ENOX1: variants seen among roughly 807,000 people sequenced by gnomAD.
ENOX1 encodes the protein ecto-NOX disulfide-thiol exchanger 1.
A neutral mutation model predicts 82.5 loss-of-function variants in ENOX1; 42 were observed. The ratio of observed to expected loss-of-function variants is 0.51; its 90% CI spans 0.40 to 0.66. The LOEUF is 0.66. ENOX1 is among the 30% of genes least tolerant of loss of function. The pLI, the probability that ENOX1 is intolerant of heterozygous loss-of-function variation, is 0.00. For missense variants in ENOX1, 608 were observed against 811.6 expected (o/e 0.75, Z 3.05); for synonymous variants, 271 against 282.2 (o/e 0.96, Z 0.40).
intron 1 of ENOX1, among the ~76,000 whole-genome samples, chr13:43,752,013 C>A: frequency 6.6e-6 from 1 of 152,162 alleles, no homozygotes; most frequent in East Asian, 1.9e-4. Context: ...TGTGAAAATT[C>A]CATTTCCTCC....
rs141979378 is a variant in ENOX1 at position 43,503,101 on chromosome 13, C to T, written c.-218-18949G>A. ...TAGCTATCTGAAAAGGAAATTAAAA[C>T]AATCCCATGTACAACTGCATCAAAA... On this transcript the variant is annotated intron_variant, in intron 2 of 16. Transcript: ENST00000690772. 5.3e-5 allele frequency among the ~76,000 whole-genome samples: 8 copies of T among 151,624 alleles called. No individual in the cohort carries two copies. In the East Asian group the frequency reaches 1.5e-3, roughly 29 times the overall value.
At chr13:43,325,581 A>G (rs1159528814) in intron 10 of ENOX1, among the ~76,000 whole-genome samples, 1 of 152,246 alleles carries the variant, frequency 6.6e-6, no homozygotes, top group Non-Finnish European at 1.5e-5. Flanking sequence ...CATTAAATAA[A>G]TAAACCTTAC....
chr13:43,710,732 C>T (rs941032580), intron 1 of ENOX1, among the ~76,000 whole-genome samples: 8 of 151,842 alleles, frequency 5.3e-5, no homozygotes, highest in Admixed American at 5.2e-4. Flanking sequence ...AGAATCAATA[C>T]AAAAGTAGAA....
intron 11 of ENOX1, among the ~76,000 whole-genome samples, chr13:43,310,372 A>T (rs534404912): frequency 6.6e-6 from 1 of 152,232 alleles, no homozygotes; most frequent in African/African-American, 2.4e-5. Flanking sequence ...GAGGTCAGCG[A>T]TGGAACAGAC....
intron 2 of ENOX1, among the ~76,000 whole-genome samples, chr13:43,617,631 G>T (rs895475943): frequency 4.6e-5 from 7 of 152,148 alleles, no homozygotes; most frequent in Admixed American, 3.3e-4. Flanking sequence ...TGACTGACAG[G>T]TATTTGGGCT....
chr13:43,467,279 T>A (rs750555), intron 3 of ENOX1, among the ~76,000 whole-genome samples: 16,184 of 152,264 alleles, frequency 0.11, 940 homozygotes, highest in East Asian at 0.26. Context: ...ACTGTTATTG[T>A]CTGTCAATTT....
At chr13:43,733,683 T>C (rs993240816) in intron 1 of ENOX1, among the ~76,000 whole-genome samples, 8 of 152,288 alleles carry the variant, frequency 5.3e-5, no homozygotes, top group South Asian at 2.1e-4. Context: ...TTCTGCATCA[T>C]TGACATAAAA....
chr13:43,385,271 T>C (rs912793204), intron 5 of ENOX1, among the ~76,000 whole-genome samples: 9 of 152,142 alleles, frequency 5.9e-5, no homozygotes, highest in African/African-American at 1.9e-4. Context: ...TTATAATCAT[T>C]AACTTTTATA....
chr13:43,326,205 T>G (rs1297081477), intron 10 of ENOX1, among the ~76,000 whole-genome samples: 1 of 152,230 alleles, frequency 6.6e-6, no homozygotes, highest in South Asian at 2.1e-4. Context: ...TTTCTCCCAT[T>G]GCAGGGGAGA....
rs200256554 is a variant in ENOX1 at position 43,361,384 on chromosome 13, T to C, written c.277A>G (p.Met93Val). 8.1e-6 allele frequency: 13 copies of C among 1,613,316 alleles called. No homozygotes were observed. Among genetic ancestry groups the C allele is most frequent in the East Asian group, 6.7e-5 (3 of 44,864 alleles). Residue 93 changes from methionine to valine, a missense_variant, in exon 6 of 17, where the codon ATG (methionine) becomes GTG (valine). By Grantham distance (21) the Met-to-Val change is conservative. Transcript: ENST00000690772. The stretch of plus-strand genomic sequence containing the variant: ...GGTACCAGTCCAAGGCCTGGTATCA[T>C]TGGGTTAATGGGGGTGATTCCAGTC... Reference protein sequence around the residue: ...MMTGITPINPMIPGLGLVPPP... With the variant: ...MMTGITPINPVIPGLGLVPPP...
chr13:43,333,679 G>A (rs748902928), intron 9 of ENOX1, among the ~76,000 whole-genome samples: 1 of 152,234 alleles, frequency 6.6e-6, no homozygotes, highest in African/African-American at 2.4e-5. Context: ...CTGAAGTGCA[G>A]CGGCATGATC....
intron 1 of ENOX1, among the ~76,000 whole-genome samples, chr13:43,773,944 G>A (rs1294116256): frequency 7.9e-5 from 12 of 151,954 alleles, no homozygotes; most frequent in African/African-American, 2.9e-4. Context: ...ATGATTAAAG[G>A]CCTATAATCG....
chr13:43,573,886 T>C (rs1035516865), intron 2 of ENOX1, among the ~76,000 whole-genome samples: 1 of 152,282 alleles, frequency 6.6e-6, no homozygotes, highest in South Asian at 2.1e-4. Context: ...TATCCAGCAT[T>C]AAAGGCTTTC....
At chr13:43,760,156 GA>G (rs920247510) in intron 1 of ENOX1, among the ~76,000 whole-genome samples, 2 of 152,220 alleles carry the variant, frequency 1.3e-5, no homozygotes, top group Admixed American at 1.3e-4. Context: ...ATTAGATAAT[GA>G]AAAGAAACTC....
chr13:43,524,069 A>G (rs920054490), intron 2 of ENOX1, among the ~76,000 whole-genome samples: 1 of 152,122 alleles, frequency 6.6e-6, no homozygotes, highest in Non-Finnish European at 1.5e-5. Flanking sequence ...CCATGGCTAC[A>G]GCCATCGTAC....
intron 2 of ENOX1, among the ~76,000 whole-genome samples, chr13:43,628,422 T>A (rs1451149242): frequency 6.6e-6 from 1 of 152,240 alleles, no homozygotes; most frequent in African/African-American, 2.4e-5. Flanking sequence ...TTTCAGTTTC[T>A]GTATTCTCAG....
intron 1 of ENOX1, among the ~76,000 whole-genome samples, chr13:43,770,612 A>C (rs1159499509): frequency 6.6e-6 from 1 of 152,138 alleles, no homozygotes; most frequent in Non-Finnish European, 1.5e-5. Flanking sequence ...TATTATGAAA[A>C]AATGGATTAT....
intron 2 of ENOX1, among the ~76,000 whole-genome samples, chr13:43,510,239 G>A (rs1388679881): frequency 1.3e-5 from 2 of 152,032 alleles, no homozygotes; most frequent in Non-Finnish European, 2.9e-5. Context: ...TAACAGACAA[G>A]GTTTTGCTCT....
rs114859446 is a variant in ENOX1, at chr13:43,342,418, A to G, written c.1036+2120T>C. On this transcript the variant is annotated intron_variant, in intron 9 of 16. Coordinates refer to ENST00000690772, the MANE Select transcript of ENOX1 (RefSeq NM_001347969.2). ...TGGCTTGAGAATTTATGAGAATGGG[A>G]AGGAAAAACCAGAAGAGGAGCAGGT... 9.8e-3 allele frequency among the ~76,000 whole-genome samples: 1,491 copies of G among 152,280 alleles called. 22 individuals are homozygous for G. Among genetic ancestry groups the G allele is most frequent in the African/African-American group, 0.034 (1,430 of 41,542 alleles).
Sources: gnomAD v4.1 joint callset for allele counts (sites outside exome capture counted in the v4.1 genomes callset) on GRCh38, gnomAD v4.1.1 for gene constraint, MANE v1.5 for transcripts, NCBI Gene and HGNC (gene_info 2026-07-23, HGNC 2026-07-21) for gene names.